Variants in PTPRN2 observed in about 807,000 individuals in gnomAD.
The protein encoded by PTPRN2 is protein tyrosine phosphatase receptor type N2.
A neutral mutation model predicts 118.8 loss-of-function variants in PTPRN2; 74 were observed. The observed-to-expected ratio is 0.62, with a 90% CI of 0.52 to 0.76. The LOEUF is 0.76. PTPRN2 is among the 30% of genes least tolerant of loss of function. PTPRN2 has a pLI of 0.00. For missense variants in PTPRN2, 1,481 were observed against 1,394.4 expected (o/e 1.06, Z -0.99); for synonymous variants, 641 against 608.0 (o/e 1.05, Z -0.80).
chr7:157,951,398 G>T (rs1800798718), intron 11 of PTPRN2, among the ~76,000 whole-genome samples: 2 of 152,204 alleles, frequency 1.3e-5, no homozygotes, highest in South Asian at 4.1e-4. Context: ...CCTGGGAACA[G>T]CGCCCGGTGC....
At chr7:158,132,453 T>C in intron 9 of PTPRN2, among the ~76,000 whole-genome samples, 1 of 85,910 alleles carries the variant, frequency 1.2e-5, no homozygotes, top group South Asian at 4.4e-4. Flanking sequence ...TGCACAAACA[T>C]ATCGACACAA....
chr7:157,651,193 A>G (rs1482277213), intron 14 of PTPRN2, among the ~76,000 whole-genome samples: 1 of 152,192 alleles, frequency 6.6e-6, no homozygotes, highest in Non-Finnish European at 1.5e-5. Context: ...TTCTGTGATC[A>G]TGGGAAATCT....
At chr7:158,278,662 G>A (rs975327686) in intron 3 of PTPRN2, among the ~76,000 whole-genome samples, 5 of 152,190 alleles carry the variant, frequency 3.3e-5, no homozygotes, top group South Asian at 4.1e-4. Context: ...GCGGACCCTC[G>A]CGGTGAGTGT....
intron 12 of PTPRN2, among the ~76,000 whole-genome samples, chr7:157,736,137 G>A (rs906120158): frequency 1.3e-5 from 2 of 152,146 alleles, no homozygotes; most frequent in Non-Finnish European, 2.9e-5. Context: ...CTCTGGCTGG[G>A]GATACATCAC....
intron 11 of PTPRN2, among the ~76,000 whole-genome samples, chr7:157,907,969 AAGCCTGTCTGTCCCCCGTGACCCC>A (rs1351927258): frequency 6.6e-6 from 1 of 152,126 alleles, no homozygotes; most frequent in African/African-American, 2.4e-5. Flanking sequence ...CGACTTCCCC[AAGCCTGTCTGTCCCCCGTGACCCC>A]AGCCTGCCAG....
At chr7:157,685,371 G>A (rs1354989144) in intron 12 of PTPRN2, among the ~76,000 whole-genome samples, 1 of 152,036 alleles carries the variant, frequency 6.6e-6, no homozygotes, top group Non-Finnish European at 1.5e-5. Flanking sequence ...CGCGCGCGGT[G>A]ACCACCCTGG....
intron 21 of PTPRN2, among the ~76,000 whole-genome samples, chr7:157,553,415 T>A (rs1224790688): frequency 6.6e-6 from 1 of 152,098 alleles, no homozygotes; most frequent in Non-Finnish European, 1.5e-5. Flanking sequence ...GAAGGGGCTC[T>A]CCCTCCGCGT....
Position 158,267,080 on chromosome 7 carries a change from C to T in PTPRN2, c.277+49739G>A, listed in dbSNP as rs139713850. Reference sequence around the variant, plus strand: ...CAGTGACTGGCACCTCAGACAGCCCCACACCCGCGGCAGGTCCCGCCTGGC... The same window carrying T: ...CAGTGACTGGCACCTCAGACAGCCCTACACCCGCGGCAGGTCCCGCCTGGC... On this transcript the variant is annotated intron_variant, in intron 3 of 22. Transcript: ENST00000389418. Among the ~76,000 whole-genome samples, 393 of 152,360 alleles carry T rather than the reference C, an allele frequency of 2.6e-3. 2 individuals are homozygous for T. The highest frequency in any genetic ancestry group is 9.0e-3 in the African/African-American group (375 of 41,596).
intron 13 of PTPRN2, among the ~76,000 whole-genome samples, chr7:157,657,876 A>G (rs1211442335): frequency 9.4e-6 from 1 of 106,370 alleles, no homozygotes; most frequent in Non-Finnish European, 1.8e-5. Flanking sequence ...CACACACACC[A>G]CACACACACA....
chr7:158,234,285 A>AC (rs1209935587), intron 3 of PTPRN2, among the ~76,000 whole-genome samples: 2 of 151,882 alleles, frequency 1.3e-5, no homozygotes, highest in African/African-American at 4.8e-5. Context: ...AAAAAAACAA[A>AC]CCTCTAATTT....
chr7:158,274,839 C>G (rs1230653597), intron 3 of PTPRN2, among the ~76,000 whole-genome samples: 2 of 152,166 alleles, frequency 1.3e-5, no homozygotes, highest in Non-Finnish European at 2.9e-5. Context: ...AAACACAGGT[C>G]ATTTTGTTTC....
At chr7:157,747,460 G>C (rs1215965999) in intron 12 of PTPRN2, among the ~76,000 whole-genome samples, 99 of 113,958 alleles carry the variant, frequency 8.7e-4, no homozygotes, top group Admixed American at 1.6e-3. Flanking sequence ...CTGCGTCCCT[G>C]AGCTGTGGGG....
intron 3 of PTPRN2, among the ~76,000 whole-genome samples, chr7:158,208,206 G>A (rs1031682032): frequency 6.6e-6 from 1 of 152,206 alleles, no homozygotes; most frequent in Non-Finnish European, 1.5e-5. Context: ...AGAGGAGGGA[G>A]AGAGAGAAAG....
chr7:157,929,766 A>G lies in PTPRN2; in HGVS notation c.1724-31029T>C, dbSNP rs2128778618. On this transcript the variant is annotated intron_variant, in intron 11 of 22. Transcript: ENST00000389418. The surrounding 1 kb of genome is among the most constrained non-coding windows in gnomAD (Gnocchi z 4.4). ...TGCTGCTGTTGAGATGAATGGTGCC[A>G]GAAGGGAGTCTTTCCAAGTGCCCTG... is the stretch of plus-strand genomic sequence containing the variant. Among the ~76,000 whole-genome samples the G allele has an allele frequency of 1.3e-5, 2 of 152,290 alleles. No individual in the cohort carries two copies. Among genetic ancestry groups the G allele is most frequent in the Middle Eastern group, 3.4e-3 (1 of 294 alleles).
intron 11 of PTPRN2, among the ~76,000 whole-genome samples, chr7:157,980,167 G>T (rs1297901102): frequency 6.6e-6 from 1 of 152,150 alleles, no homozygotes; most frequent in Non-Finnish European, 1.5e-5. Flanking sequence ...ACATCACTGA[G>T]GTTTCTCTGC....
intron 2 of PTPRN2, among the ~76,000 whole-genome samples, chr7:158,416,013 A>C (rs1814629609): frequency 6.6e-6 from 1 of 152,198 alleles, no homozygotes; most frequent in South Asian, 2.1e-4. Flanking sequence ...CTAGGAATCT[A>C]AGTGTTAGGT....
rs978798195 is a variant in PTPRN2 at position 158,019,446 on chromosome 7, C to A, written c.1723+61852G>T. ...GCTACAAGGACGTGAGCTGGAGTGA[C>A]CGTGTCAGACAGCGCGGTAGAGGCC... On this transcript the variant is annotated intron_variant, in intron 11 of 22. Transcript: ENST00000389418. Among the ~76,000 whole-genome samples, 5 of 152,366 alleles carry A rather than the reference C, an allele frequency of 3.3e-5. No individual in the cohort carries two copies. The East Asian group carries it at 9.6e-4, about 29-fold the overall frequency.
intron 3 of PTPRN2, among the ~76,000 whole-genome samples, chr7:158,282,692 C>CA (rs1799507834): frequency 1.3e-5 from 2 of 151,722 alleles, no homozygotes; most frequent in African/African-American, 4.8e-5. Context: ...CCACACACAG[C>CA]AGCCGGACAG....
In PTPRN2 at chr7:158,563,342, C is replaced by T. The variant is rs116147693; in HGVS notation, c.112+24216G>A. Among the ~76,000 whole-genome samples the T allele has an allele frequency of 2.0e-4, 31 of 152,310 alleles. No homozygotes were observed. Among genetic ancestry groups the T allele is most frequent in the African/African-American group, 5.8e-4 (24 of 41,564 alleles). On this transcript the variant is annotated intron_variant, in intron 1 of 22. Transcript: ENST00000389418. This position sits in a 1 kb window ranked among gnomAD's most constrained non-coding sequence, Gnocchi z 5.1. ...CAAAGCAAGAAGTACCCAAGTGGAA[C>T]GCAGATACGGCACGTCAGTGAGAAC...
Sources: allele counts gnomAD v4.1 joint callset (sites outside exome capture counted in the v4.1 genomes callset), GRCh38; gene constraint gnomAD v4.1.1; non-coding constraint Gnocchi (gnomAD v3.1); transcripts MANE v1.5; gene names NCBI Gene and HGNC (gene_info 2026-07-23, HGNC 2026-07-21).